Variants in C12orf42 observed in about 807,000 individuals in gnomAD.
The protein encoded by C12orf42 is chromosome 12 open reading frame 42, also known as uncharacterized protein C12orf42.
In C12orf42, 25 loss-of-function variants were observed where a neutral mutation model predicts 21.6. The observed-to-expected ratio is 1.16, with a 90% CI of 0.84 to 1.62. The LOEUF (loss-of-function observed/expected upper bound fraction) is 1.62, where lower values mean the gene tolerates loss of function less well. C12orf42 is among the 40% of genes most tolerant of loss of function. The pLI, the probability that C12orf42 is intolerant of heterozygous loss-of-function variation, is 0.00. For missense variants in C12orf42, 483 were observed against 459.3 expected (o/e 1.05, Z -0.47); for synonymous variants, 174 against 175.0 (o/e 0.99, Z 0.05).
chr12:103,458,452 C>T (rs369252602), intron 2 of C12orf42, among the ~76,000 whole-genome samples: 2 of 152,110 alleles, frequency 1.3e-5, no homozygotes, highest in African/African-American at 2.4e-5. Context: ...AGCAGCTCTG[C>T]GCTTACCCAG....
intron 4 of C12orf42, among the ~76,000 whole-genome samples, chr12:103,307,905 CA>C (rs1388647658): frequency 7.9e-5 from 12 of 152,164 alleles, no homozygotes; most frequent in African/African-American, 2.7e-4. Context: ...TTACCCAAGC[CA>C]ATTCTTTTTG....
At chr12:103,404,919 C>T (rs1378348656) in intron 2 of C12orf42, among the ~76,000 whole-genome samples, 13 of 152,218 alleles carry the variant, frequency 8.5e-5, no homozygotes, top group East Asian at 1.9e-4. Flanking sequence ...CAAGTGCACA[C>T]GCACGCATTT....
chr12:103,516,709 A>G, the C12orf42 span, among the ~76,000 whole-genome samples: 2 of 152,168 alleles, frequency 1.3e-5, no homozygotes, highest in Non-Finnish European at 2.9e-5. Context: ...CCCTTAACAC[A>G]TGTGGATTAC....
intron 3 of C12orf42, among the ~76,000 whole-genome samples, chr12:103,376,877 T>A (rs2045745964): frequency 6.6e-6 from 1 of 152,002 alleles, no homozygotes; most frequent in Non-Finnish European, 1.5e-5. Flanking sequence ...CCCCTCTGTG[T>A]TCTCATTCTC....
chr12:103,540,827 G>A, the C12orf42 span, among the ~76,000 whole-genome samples: 10 of 152,128 alleles, frequency 6.6e-5, no homozygotes, highest in African/African-American at 2.4e-5. Context: ...TTTGTACTCT[G>A]TATTTGCCTC....
exon 11 of C12orf42, chr12:103,237,809 G>C (rs1437922938): frequency 2.0e-5 from 3 of 152,342 alleles, no homozygotes; most frequent in South Asian, 4.1e-4. Context: ...TTCCAAGAGA[G>C]CTAAAGGGTG....
intron 10 of C12orf42, among the ~76,000 whole-genome samples, chr12:103,256,111 T>TATATATATAC (rs1439188517): frequency 5.4e-3 from 183 of 33,798 alleles, no homozygotes; most frequent in Non-Finnish European, 8.3e-3. Flanking sequence ...TATATATATA[T>TATATATATAC]ACACACACAC....
At chr12:103,436,485 A>G (rs1266134723) in intron 2 of C12orf42, among the ~76,000 whole-genome samples, 3 of 151,320 alleles carry the variant, frequency 2.0e-5, no homozygotes, top group African/African-American at 4.9e-5. Flanking sequence ...AGACCCATCA[A>G]TGTGCTGTAT....
the C12orf42 span, among the ~76,000 whole-genome samples, chr12:103,128,983 G>A: frequency 2.6e-5 from 4 of 152,262 alleles, no homozygotes; most frequent in South Asian, 2.1e-4. Flanking sequence ...CAGAGAGGGT[G>A]GGGGAAAGGG....
chr12:103,364,864 C>T (rs544153186), intron 4 of C12orf42, among the ~76,000 whole-genome samples: 8 of 151,894 alleles, frequency 5.3e-5, no homozygotes, highest in African/African-American at 9.7e-5. Flanking sequence ...CAAAAAAAGT[C>T]CAGAACCAGG....
At chr12:103,070,150 G>A in the C12orf42 span, among the ~76,000 whole-genome samples, 3 of 152,136 alleles carry the variant, frequency 2.0e-5, no homozygotes, top group African/African-American at 7.2e-5. Flanking sequence ...GTCCTGGGAA[G>A]CTTTAAAATA....
the C12orf42 span, among the ~76,000 whole-genome samples, chr12:103,554,574 TAC>T: frequency 1.4e-5 from 2 of 145,212 alleles, no homozygotes; most frequent in African/African-American, 5.0e-5. Context: ...GGTAATTTAT[TAC>T]AAAAAAAAAA....
At chr12:103,247,016 A>G (rs1273292425) in intron 10 of C12orf42, among the ~76,000 whole-genome samples, 1 of 152,028 alleles carries the variant, frequency 6.6e-6, no homozygotes, top group Non-Finnish European at 1.5e-5. Flanking sequence ...AATTTATTTC[A>G]TTTTATTTTT....
the C12orf42 span, among the ~76,000 whole-genome samples, chr12:103,173,446 A>C: frequency 5.7e-3 from 862 of 152,208 alleles, 6 homozygotes; most frequent in African/African-American, 0.02. Flanking sequence ...AGCCTTCCTA[A>C]ATCATGAACT....
intron 10 of C12orf42, among the ~76,000 whole-genome samples, chr12:103,249,660 G>A (rs1368033166): frequency 6.6e-6 from 1 of 152,042 alleles, no homozygotes. Flanking sequence ...ACAAGAGGCC[G>A]CTGAACAAAC....
At chr12:103,271,485 A>T (rs2035472159) in intron 5 of C12orf42, among the ~76,000 whole-genome samples, 1 of 152,168 alleles carries the variant, frequency 6.6e-6, no homozygotes, top group South Asian at 2.1e-4. Context: ...TGGTTCTGCC[A>T]ATCACTACTT....
intron 5 of C12orf42, 85 bp from the exon 6 acceptor site, chr12:103,302,644 G>A: frequency 9.1e-7 from 1 of 1,103,018 alleles, no homozygotes; most frequent in East Asian, 2.5e-5. Flanking sequence ...CTGGACGTCT[G>A]AGAAATCAAC....
intron 2 of C12orf42, among the ~76,000 whole-genome samples, chr12:103,430,877 A>G (rs1369698598): frequency 6.6e-6 from 1 of 152,164 alleles, no homozygotes; most frequent in African/African-American, 2.4e-5. Context: ...AAAACCAAAC[A>G]CTGCATGTTC....
At chr12:103,232,177 A>G in the C12orf42 span, among the ~76,000 whole-genome samples, 1 of 152,192 alleles carries the variant, frequency 6.6e-6, no homozygotes, top group Non-Finnish European at 1.5e-5. Context: ...ATGAGTTTTA[A>G]GAATCTTTTC....
Sources: gnomAD v4.1 joint callset for allele counts (sites outside exome capture counted in the v4.1 genomes callset) on GRCh38, gnomAD v4.1.1 for gene constraint, MANE v1.5 for transcripts, NCBI Gene and HGNC (gene_info 2026-07-23, HGNC 2026-07-21) for gene names.